DPP10: variants seen among roughly 807,000 people sequenced by gnomAD.
The protein encoded by DPP10 is dipeptidyl peptidase like 10.
Under a neutral mutation model 120.9 loss-of-function variants are expected in DPP10, and 33 were observed. The observed-to-expected ratio is 0.27, with a 90% CI of 0.21 to 0.37. The LOEUF (loss-of-function observed/expected upper bound fraction) is 0.37. DPP10 is among the 10% of genes least tolerant of loss of function. The pLI is 1.00. For synonymous variants in DPP10, 337 were observed against 326.1 expected, an observed-to-expected ratio of 1.03 and a Z score of -0.36; for missense variants, 816 against 942.8, an observed-to-expected ratio of 0.87 and a Z score of 1.76.
chr2:115,612,874 T>TA (rs2084217840), intron 5 of DPP10, among the ~76,000 whole-genome samples: 1 of 152,152 alleles, frequency 6.6e-6, no homozygotes, highest in African/African-American at 2.4e-5. Context: ...TTTTTTTTTT[T>TA]AACCAGTTTT....
intron 21 of DPP10, among the ~76,000 whole-genome samples, chr2:115,827,664 C>T (rs568368287): frequency 5.3e-5 from 8 of 150,376 alleles, no homozygotes; most frequent in South Asian, 2.1e-4. Context: ...GGTGTGATCT[C>T]GGCTCACTGC....
intron 3 of DPP10, among the ~76,000 whole-genome samples, chr2:115,480,186 A>G (rs1044004270): frequency 1.3e-5 from 2 of 152,046 alleles, no homozygotes; most frequent in South Asian, 2.1e-4. Flanking sequence ...CGTTCTCTTA[A>G]TTGTATGATG....
intron 1 of DPP10, among the ~76,000 whole-genome samples, chr2:115,212,458 T>G (rs2056576433): frequency 6.6e-6 from 1 of 152,144 alleles, no homozygotes; most frequent in African/African-American, 2.4e-5. Context: ...TTTCTTTAAT[T>G]CAGTGTAAAC....
chr2:115,271,484 A>G (rs1264289577), intron 1 of DPP10, among the ~76,000 whole-genome samples: 1 of 151,896 alleles, frequency 6.6e-6, no homozygotes, highest in Non-Finnish European at 1.5e-5. Context: ...ACTATTGAAC[A>G]CTCTTTTGTT....
chr2:115,553,187 C>T (rs2079982249), intron 5 of DPP10, among the ~76,000 whole-genome samples: 1 of 152,074 alleles, frequency 6.6e-6, no homozygotes, highest in African/African-American at 2.4e-5. Context: ...TGCAAGTCTA[C>T]AGTCATTTGA....
intron 1 of DPP10, among the ~76,000 whole-genome samples, chr2:114,474,070 G>T (rs994834429): frequency 2.0e-5 from 3 of 152,062 alleles, no homozygotes; most frequent in Non-Finnish European, 4.4e-5. Flanking sequence ...CTATTCTCCC[G>T]CCTCAGCCTC....
chr2:114,842,106 G>A (rs537041843), intron 1 of DPP10, among the ~76,000 whole-genome samples: 2 of 152,234 alleles, frequency 1.3e-5, no homozygotes, highest in South Asian at 4.1e-4. Flanking sequence ...GGCAGACTGA[G>A]ACATATTGTC....
chr2:115,521,451 C>T (rs1033266390), intron 4 of DPP10, among the ~76,000 whole-genome samples: 3 of 152,064 alleles, frequency 2.0e-5, no homozygotes, highest in Non-Finnish European at 2.9e-5. Flanking sequence ...ATATAAAATT[C>T]GAATGTCTAA....
intron 3 of DPP10, among the ~76,000 whole-genome samples, chr2:115,443,269 A>T (rs1241127796): frequency 3.3e-5 from 5 of 152,196 alleles, no homozygotes; most frequent in African/African-American, 1.2e-4. Context: ...AAGATATTCA[A>T]AAGTAGCAAA....
intron 5 of DPP10, among the ~76,000 whole-genome samples, chr2:115,667,828 A>G (rs916634913): frequency 2.6e-5 from 4 of 151,318 alleles, no homozygotes; most frequent in African/African-American, 7.3e-5. Context: ...CTTCTTTCTT[A>G]TATTATATTA....
intron 1 of DPP10, among the ~76,000 whole-genome samples, chr2:114,495,493 C>T (rs1682434208): frequency 6.6e-6 from 1 of 152,188 alleles, no homozygotes; most frequent in Non-Finnish European, 1.5e-5. Context: ...GTATTTCTTT[C>T]TGTATTTATT....
At chr2:115,241,098 G>A (rs963240073) in intron 1 of DPP10, among the ~76,000 whole-genome samples, 7 of 151,996 alleles carry the variant, frequency 4.6e-5, no homozygotes, top group Non-Finnish European at 7.4e-5. Flanking sequence ...GTAAAACCCC[G>A]CCACTACTAA....
chr2:115,019,771 T>C (rs1407575279), intron 1 of DPP10, among the ~76,000 whole-genome samples: 1 of 152,206 alleles, frequency 6.6e-6, no homozygotes, highest in African/African-American at 2.4e-5. Context: ...GGCAAAAGCA[T>C]CAGGTAACCT....
chr2:114,914,325 G>A (rs1030814176), intron 1 of DPP10, among the ~76,000 whole-genome samples: 8 of 152,254 alleles, frequency 5.3e-5, no homozygotes, highest in East Asian at 1.9e-4. Context: ...GGCAGATCAC[G>A]TACAAAGGGA....
intron 1 of DPP10, among the ~76,000 whole-genome samples, chr2:114,448,104 A>G (rs1486247129): frequency 6.6e-6 from 1 of 152,278 alleles, no homozygotes; most frequent in East Asian, 1.9e-4. Flanking sequence ...ATGAAGCATT[A>G]TAGTTTTTTT....
chr2:115,323,665 G>A (rs760721479), intron 2 of DPP10, among the ~76,000 whole-genome samples: 3 of 152,090 alleles, frequency 2.0e-5, no homozygotes, highest in South Asian at 2.1e-4. Context: ...TGATCCGTAG[G>A]CTGCAGAATG....
intron 3 of DPP10, among the ~76,000 whole-genome samples, chr2:115,491,809 C>T (rs1202400716): frequency 6.6e-6 from 1 of 152,078 alleles, no homozygotes; most frequent in Non-Finnish European, 1.5e-5. Flanking sequence ...TGGCAATGCT[C>T]CTGCTCTGTC....
intron 1 of DPP10, among the ~76,000 whole-genome samples, chr2:115,240,539 T>A (rs1252480875): frequency 3.3e-5 from 5 of 152,202 alleles, no homozygotes; most frequent in Admixed American, 3.3e-4. Flanking sequence ...TAGCTCTTTG[T>A]CTGATGGAGA....
intron 1 of DPP10, among the ~76,000 whole-genome samples, chr2:114,868,354 T>C (rs1221049464): frequency 6.6e-6 from 1 of 152,202 alleles, no homozygotes; most frequent in Non-Finnish European, 1.5e-5. Flanking sequence ...GGGACCATTA[T>C]ATTTTAAGTG....
Sources: allele counts gnomAD v4.1 joint callset (sites outside exome capture counted in the v4.1 genomes callset), GRCh38; gene constraint gnomAD v4.1.1; transcripts MANE v1.5; gene names NCBI Gene and HGNC (gene_info 2026-07-23, HGNC 2026-07-21).